Variants in GRK5 observed in about 807,000 individuals in gnomAD.
The protein encoded by GRK5 is g protein-coupled receptor kinase GRK5.
GRK5 carries 40 observed loss-of-function variants against 78.4 expected under a neutral mutation model. The ratio of observed to expected loss-of-function variants is 0.51; its 90% CI spans 0.40 to 0.66. The LOEUF (loss-of-function observed/expected upper bound fraction) is 0.66. GRK5 is among the 30% of genes least tolerant of loss of function. The probability of loss-of-function intolerance (pLI) is 0.00; values close to 1 mark genes in which losing one functional copy is unlikely to be tolerated. For synonymous variants in GRK5, 289 were observed against 296.8 expected, an observed-to-expected ratio of 0.97 and a Z score of 0.27; for missense variants, 598 against 759.9, an observed-to-expected ratio of 0.79 and a Z score of 2.50.
intron 4 of GRK5, chr10:119,406,560 C>A: frequency 1.3e-6 from 1 of 788,466 alleles, no homozygotes; most frequent in Non-Finnish European, 1.5e-6. Context: ...CTGAGATTGC[C>A]CGGCCCTCAT....
intron 1 of GRK5, chr10:119,208,769 C>T (rs1467920004): frequency 2.6e-5 from 4 of 151,886 alleles, no homozygotes; most frequent in African/African-American, 9.7e-5. Context: ...ACCCTAAGAA[C>T]GCATATTTTG....
At position 119,425,104 on chromosome 10, in the gene GRK5, A is replaced by AT; in HGVS notation, c.533+20dup. The AT allele has an allele frequency of 6.5e-7, 1 of 1,536,680 alleles. No individual in the cohort carries two copies. Among genetic ancestry groups the AT allele is most frequent in the Non-Finnish European group, 9.0e-7 (1 of 1,109,132 alleles). On this transcript the variant is annotated intron_variant, in intron 6 of 15. Coordinates refer to ENST00000392870, the MANE Select transcript of GRK5 (RefSeq NM_005308.3). ...TGGAAAGGTGAGTCCACCACACCCC[A>AT]TACAGATCAGGGAGGCAGAGGGTAC...
rs150293829 is a variant in GRK5 at position 119,401,660 on chromosome 10, A to G, written c.339+4888A>G. Among the ~76,000 whole-genome samples the G allele has an allele frequency of 7.9e-4, 121 of 152,334 alleles. 1 individual carries two copies. The highest frequency in any genetic ancestry group is 2.6e-3 in the African/African-American group (110 of 41,578). ...AAGTACTGAGCATGGTAGCTGGGGC[A>G]TCTTAAGTGCCCAGCAGCAGTGCTT... On this transcript the variant is annotated intron_variant, in intron 4 of 15. Transcript: ENST00000392870.
At chr10:119,306,496 G>A (rs1330482963) in intron 1 of GRK5, among the ~76,000 whole-genome samples, 1 of 152,176 alleles carries the variant, frequency 6.6e-6, no homozygotes, top group African/African-American at 2.4e-5. Flanking sequence ...GTTTTCTGAT[G>A]TGAAATGGAA....
chr10:119,445,432 C>G lies in GRK5; in HGVS notation c.1266+1680C>G, dbSNP rs1853124799. On this transcript the variant is annotated intron_variant, in intron 12 of 15. Coordinates refer to ENST00000392870, the MANE Select transcript of GRK5 (RefSeq NM_005308.3). The surrounding 1 kb of genome is among the most constrained non-coding windows in gnomAD (Gnocchi z 4.1). ...GGCGGAGAGGGCCCCAGTCCCACCCCCAGACCCCAGACACCCACCTTGGCC... is the reference window on the plus strand; with the variant it reads ...GGCGGAGAGGGCCCCAGTCCCACCCGCAGACCCCAGACACCCACCTTGGCC... Among the ~76,000 whole-genome samples, 1 of 152,082 alleles carries G rather than the reference C, an allele frequency of 6.6e-6. No homozygotes were observed. The highest frequency in any genetic ancestry group is 1.5e-5 in the Non-Finnish European group (1 of 68,002).
chr10:119,323,539 C>T (rs1254087603), intron 1 of GRK5, among the ~76,000 whole-genome samples: 1 of 152,080 alleles, frequency 6.6e-6, no homozygotes, highest in Admixed American at 6.6e-5. Flanking sequence ...CTCTAGGCTG[C>T]CTGAATGAGG....
Position 119,318,637 on chromosome 10 carries a change from A to G in GRK5, c.53-7879A>G, listed in dbSNP as rs539441768. On this transcript the variant is annotated intron_variant, in intron 1 of 15. Transcript: ENST00000392870. ...GTAGGCCGCTCACTGCTCAGAATCC[A>G]TCATCGCTGCACCCCAGCCGCATCC... Among the ~76,000 whole-genome samples, 396 of 152,156 alleles carry G rather than the reference A, an allele frequency of 2.6e-3. 2 individuals are homozygous for G. Among genetic ancestry groups the G allele is most frequent in the Non-Finnish European group, 3.7e-3 (251 of 67,984 alleles).
chr10:119,360,058 A>G (rs1851334705), intron 2 of GRK5, among the ~76,000 whole-genome samples: 1 of 107,654 alleles, frequency 9.3e-6, no homozygotes, highest in South Asian at 3.2e-4. Context: ...AGGGAGACTG[A>G]GGGAGGTGGA....
intron 8 of GRK5, 117 bp from the exon 9 acceptor site, chr10:119,436,534 G>A (rs1564934407): frequency 2.0e-6 from 2 of 998,494 alleles, no homozygotes; most frequent in Non-Finnish European, 3.0e-6. Context: ...GGGTGCAGGG[G>A]AGCAGGGTGA....
In GRK5 at chr10:119,455,047, A is replaced by G. The variant is rs1303282846; in HGVS notation, c.1753A>G (p.Asn585Asp). ...CATAAACTCAAACCATGTCAGCTCGAACTCCACCGGAAGCAGCTAGTTTCG... is the reference window on the plus strand; with the variant it reads ...CATAAACTCAAACCATGTCAGCTCGGACTCCACCGGAAGCAGCTAGTTTCG... ...HHINSNHVSS[N>D]STGSS The change falls in exon 16 of 16, where the codon AAC (asparagine) becomes GAC (aspartate). Residue 585 changes from asparagine (N) to aspartate (D), a missense_variant. Coordinates refer to ENST00000392870, the MANE Select transcript of GRK5 (RefSeq NM_005308.3). 6.2e-7 allele frequency: 1 copy of G among 1,614,012 alleles called. No individual in the cohort carries two copies. Among genetic ancestry groups the G allele is most frequent in the South Asian group, 1.1e-5 (1 of 91,082 alleles).
intron 1 of GRK5, among the ~76,000 whole-genome samples, chr10:119,324,935 G>A (rs1185011567): frequency 1.3e-5 from 2 of 152,168 alleles, no homozygotes; most frequent in Non-Finnish European, 2.9e-5. Context: ...TCTGTCCCTC[G>A]GAGTGTGAGG....
intron 1 of GRK5, among the ~76,000 whole-genome samples, chr10:119,279,825 T>C (rs1849732030): frequency 2.0e-5 from 3 of 152,234 alleles, no homozygotes; most frequent in Admixed American, 6.5e-5. Context: ...ATGTGAAAAG[T>C]AGAGCAGCTT....
chr10:119,286,674 G>A (rs76761106), intron 1 of GRK5, among the ~76,000 whole-genome samples: 3,049 of 152,322 alleles, frequency 0.02, 60 homozygotes, highest in Admixed American at 0.052. Flanking sequence ...TGTTGTCTCC[G>A]GTCAGCCCGC....
At chr10:119,212,736 G>A (rs1006107882) in intron 1 of GRK5, 2 of 152,212 alleles carry the variant, frequency 1.3e-5, no homozygotes, top group Non-Finnish European at 2.9e-5. Flanking sequence ...GCAACTCAGA[G>A]GTGAAACTTG....
intron 1 of GRK5, among the ~76,000 whole-genome samples, chr10:119,262,499 C>A (rs1589709554): frequency 6.6e-6 from 1 of 151,874 alleles, no homozygotes; most frequent in Non-Finnish European, 1.5e-5. Context: ...CCACCACACC[C>A]AGCTAATTTT....
chr10:119,402,446 G>T (rs1048572597), intron 4 of GRK5, among the ~76,000 whole-genome samples: 1 of 152,226 alleles, frequency 6.6e-6, no homozygotes, highest in African/African-American at 2.4e-5. Flanking sequence ...GTATTCAGGA[G>T]AGGGGAGGGT....
chr10:119,454,862 A>AT (rs1427567370), intron 15 of GRK5, 107 bp from the exon 16 acceptor site: 1 of 718,486 alleles, frequency 1.4e-6, no homozygotes, highest in African/African-American at 1.8e-5. Flanking sequence ...GCAAAAGGCA[A>AT]TAAAAAGCAA....
chr10:119,388,959 G>A (rs1851843072), intron 3 of GRK5, among the ~76,000 whole-genome samples: 1 of 152,198 alleles, frequency 6.6e-6, no homozygotes, highest in Non-Finnish European at 1.5e-5. Context: ...AAGAGAACAT[G>A]GTAGGAGCTG....
rs1849515412 is a variant in GRK5, at chr10:119,267,325, T to C, written c.53-59191T>C. Among the ~76,000 whole-genome samples, 1 of 152,196 alleles carries C rather than the reference T, an allele frequency of 6.6e-6. No homozygotes were observed. Among genetic ancestry groups the C allele is most frequent in the African/African-American group, 2.4e-5 (1 of 41,470 alleles). On this transcript the variant is annotated intron_variant, in intron 1 of 15. Coordinates refer to ENST00000392870, the MANE Select transcript of GRK5 (RefSeq NM_005308.3). The surrounding 1 kb of genome is among the most constrained non-coding windows in gnomAD (Gnocchi z 4.1). Reference sequence around the variant, plus strand: ...CTCAAACTCCCTGCTTTAAGCGATCTTCCCACCTTGGCCTCCCAAAGTGTG... The same window carrying C: ...CTCAAACTCCCTGCTTTAAGCGATCCTCCCACCTTGGCCTCCCAAAGTGTG...
Sources: gnomAD v4.1 joint callset for allele counts (sites outside exome capture counted in the v4.1 genomes callset) on GRCh38, gnomAD v4.1.1 for gene constraint, Gnocchi (gnomAD v3.1) non-coding constraint, MANE v1.5 for transcripts, NCBI Gene and HGNC (gene_info 2026-07-23, HGNC 2026-07-21) for gene names.